Variants in AFF2 observed in about 807,000 individuals in gnomAD.
AFF2 encodes the protein ALF transcription elongation factor 2, also known as AF4/FMR2 family member 2.
Under a neutral mutation model 76.9 loss-of-function variants are expected in AFF2, and 14 were observed. That is an observed-to-expected ratio of 0.18 (90% CI 0.12 to 0.28). The LOEUF (loss-of-function observed/expected upper bound fraction) is 0.28, where lower values mean the gene tolerates loss of function less well. Among genes scored for constraint, AFF2 ranks in the 10% least tolerant of loss-of-function variants. The pLI is 1.00. For missense variants in AFF2, 868 were observed against 1,001.1 expected, an observed-to-expected ratio of 0.87 and a Z score of 1.79; for synonymous variants, 398 against 366.7, an observed-to-expected ratio of 1.09 and a Z score of -0.98.
At chrX:148,765,970 T>A (rs1320569398) in intron 3 of AFF2, among the ~76,000 whole-genome samples, 1 of 107,279 alleles carries the variant, frequency 9.3e-6, no homozygotes, top group African/African-American at 3.4e-5. Context: ...TTTTTTGTTC[T>A]TGAGATAGTT....
At chrX:148,804,906 A>G (rs1402753628) in intron 3 of AFF2, among the ~76,000 whole-genome samples, 1 of 111,895 alleles carries the variant, frequency 8.9e-6, no homozygotes, top group Non-Finnish European at 1.9e-5. Flanking sequence ...TTCCAAATTC[A>G]TTTTGGAAAA....
intron 1 of AFF2, among the ~76,000 whole-genome samples, chrX:148,523,494 C>T (rs781820052): frequency 5.4e-5 from 6 of 111,576 alleles, no homozygotes; most frequent in South Asian, 3.7e-4. Flanking sequence ...GACAGATGGC[C>T]GAGTAATTTA....
intron 7 of AFF2, among the ~76,000 whole-genome samples, chrX:148,874,352 G>A (rs1782503357): frequency 9.0e-6 from 1 of 110,991 alleles, no homozygotes; most frequent in Non-Finnish European, 1.9e-5. Flanking sequence ...AAGTGCTCAC[G>A]ACGAACTCTT....
At chrX:148,877,205 T>C (rs1186017444) in intron 7 of AFF2, among the ~76,000 whole-genome samples, 1 of 112,210 alleles carries the variant, frequency 8.9e-6, no homozygotes, top group Admixed American at 9.4e-5. Flanking sequence ...TATCTAAAAG[T>C]GGACCTGCAT....
At chrX:148,750,883 C>T (rs376311759) in intron 3 of AFF2, among the ~76,000 whole-genome samples, 3 of 111,667 alleles carry the variant, frequency 2.7e-5, no homozygotes, top group South Asian at 3.8e-4. Context: ...CACAACTTGC[C>T]TTGCATTGTC....
At chrX:148,885,046 A>G (rs782226172) in intron 7 of AFF2, among the ~76,000 whole-genome samples, 8 of 111,935 alleles carry the variant, frequency 7.1e-5, no homozygotes, top group Non-Finnish European at 1.5e-4. Context: ...ATAAATAAAA[A>G]TATGAACACC....
chrX:148,516,303 A>G (rs1214657330), intron 1 of AFF2, among the ~76,000 whole-genome samples: 1 of 111,800 alleles, frequency 8.9e-6, no homozygotes, highest in Non-Finnish European at 1.9e-5. Context: ...TCTCCTGCAT[A>G]TAAACTTTTT....
At chrX:148,674,012 C>T (rs903901192) in intron 3 of AFF2, among the ~76,000 whole-genome samples, 3 of 111,723 alleles carry the variant, frequency 2.7e-5, no homozygotes, top group Admixed American at 9.5e-5. Flanking sequence ...GTGGGCAAAC[C>T]TTTTCTGAAA....
At chrX:148,907,828 G>A (rs965527873) in intron 9 of AFF2, among the ~76,000 whole-genome samples, 8 of 110,950 alleles carry the variant, frequency 7.2e-5, no homozygotes, top group African/African-American at 6.6e-5. Context: ...TTTATTAGGC[G>A]GGAATTTCCT....
At chrX:148,663,255 A>T (rs1170113270) in intron 3 of AFF2, among the ~76,000 whole-genome samples, 2 of 111,856 alleles carry the variant, frequency 1.8e-5, no homozygotes, top group African/African-American at 6.5e-5. Flanking sequence ...TTCTTTAAGA[A>T]TTTTAGTTTC....
intron 1 of AFF2, among the ~76,000 whole-genome samples, chrX:148,566,743 G>A (rs782362778): frequency 3.6e-5 from 4 of 111,112 alleles, no homozygotes; most frequent in Non-Finnish European, 7.5e-5. Flanking sequence ...TAGCTGAACC[G>A]TTCACCTCTT....
chrX:148,549,243 T>C (rs1013641203), intron 1 of AFF2, among the ~76,000 whole-genome samples: 4 of 112,399 alleles, frequency 3.6e-5, no homozygotes, highest in Admixed American at 9.4e-5. Context: ...TTAAAGGAAA[T>C]GCATTTAATT....
intron 3 of AFF2, among the ~76,000 whole-genome samples, chrX:148,746,996 C>G (rs144796276): frequency 8.9e-6 from 1 of 112,303 alleles, no homozygotes; most frequent in East Asian, 2.8e-4. Context: ...TTCCTAGATA[C>G]AGAGAAGCAT....
chrX:148,717,402 A>T (rs868989144), intron 3 of AFF2, among the ~76,000 whole-genome samples: 1 of 93,189 alleles, frequency 1.1e-5, no homozygotes, highest in Non-Finnish European at 2.1e-5. Context: ...TTACCAGAGG[A>T]TGGGGAACAC....
intron 3 of AFF2, among the ~76,000 whole-genome samples, chrX:148,743,116 T>C (rs893765265): frequency 1.8e-5 from 2 of 112,094 alleles, no homozygotes; most frequent in Admixed American, 1.9e-4. Context: ...AAAACTAATA[T>C]TTTCTTTTCA....
chrX:148,587,467 G>T (rs1033341359), intron 1 of AFF2, among the ~76,000 whole-genome samples: 2 of 112,001 alleles, frequency 1.8e-5, no homozygotes, highest in South Asian at 7.5e-4. Context: ...GTAATAAATT[G>T]CATAATTGAA....
chrX:148,671,778 T>A (rs1557259119), intron 3 of AFF2, among the ~76,000 whole-genome samples: 9 of 110,625 alleles, frequency 8.1e-5, no homozygotes. Context: ...TCACCTTTTT[T>A]TTTTTTTAAG....
chrX:148,841,583 G>A (rs1458515074), intron 5 of AFF2, among the ~76,000 whole-genome samples: 1 of 111,923 alleles, frequency 8.9e-6, no homozygotes, highest in Non-Finnish European at 1.9e-5. Context: ...AGGTGGGAAT[G>A]CTTGCCTCTA....
intron 3 of AFF2, among the ~76,000 whole-genome samples, chrX:148,674,681 G>A (rs1335633876): frequency 6.3e-5 from 7 of 111,785 alleles, no homozygotes; most frequent in African/African-American, 1.3e-4. Flanking sequence ...GACTCCCAGC[G>A]CAGGAAACCA....
Sources: allele counts gnomAD v4.1 joint callset (sites outside exome capture counted in the v4.1 genomes callset), GRCh38; gene constraint gnomAD v4.1.1; transcripts MANE v1.5; gene names NCBI Gene and HGNC (gene_info 2026-07-23, HGNC 2026-07-21).